PRKG2: variants seen among roughly 807,000 people sequenced by gnomAD.
PRKG2 encodes protein kinase cGMP-dependent 2.
PRKG2 carries 33 observed loss-of-function variants against 97.2 expected under a neutral mutation model. The observed-to-expected ratio is 0.34, with a 90% CI of 0.26 to 0.45. The LOEUF is 0.45. PRKG2 is among the 20% of genes least tolerant of loss of function. The probability of loss-of-function intolerance (pLI) is 1.00; values close to 1 mark genes in which losing one functional copy is unlikely to be tolerated. For synonymous variants in PRKG2, 330 were observed against 321.8 expected, an observed-to-expected ratio of 1.03 and a Z score of -0.27; for missense variants, 638 against 900.0, an observed-to-expected ratio of 0.71 and a Z score of 3.73.
intron 2 of PRKG2, among the ~76,000 whole-genome samples, chr4:81,190,473 T>G (rs1578501880): frequency 1.3e-5 from 2 of 152,072 alleles, no homozygotes; most frequent in Non-Finnish European, 2.9e-5. Flanking sequence ...ATATAAGACC[T>G]AAAACCATAA....
At chr4:81,106,587 G>A (rs116126277) in intron 15 of PRKG2, among the ~76,000 whole-genome samples, 93 of 152,300 alleles carry the variant, frequency 6.1e-4, no homozygotes, top group African/African-American at 2.1e-3. Context: ...GAGAAAGTCA[G>A]GGGCAAGGAG....
chr4:81,107,919 T>C (rs1743510044), intron 15 of PRKG2, among the ~76,000 whole-genome samples: 3 of 152,082 alleles, frequency 2.0e-5, no homozygotes, highest in Admixed American at 6.6e-5. Flanking sequence ...AAAAACACTT[T>C]CGAGGCCGGG....
At chr4:81,143,123 A>T (rs1578412581) in intron 10 of PRKG2, among the ~76,000 whole-genome samples, 176 bp from the exon 11 acceptor site, 1 of 152,322 alleles carries the variant, frequency 6.6e-6, no homozygotes, top group Non-Finnish European at 1.5e-5. Flanking sequence ...GCGAGAAAAC[A>T]ATAGAATATA....
intron 6 of PRKG2, among the ~76,000 whole-genome samples, chr4:81,166,644 G>T (rs972540131): frequency 6.6e-6 from 1 of 152,086 alleles, no homozygotes; most frequent in Non-Finnish European, 1.5e-5. Flanking sequence ...CCCCCTAGAT[G>T]TTAAAATAGA....
At chr4:81,112,425 C>T (rs1360051019) in intron 14 of PRKG2, among the ~76,000 whole-genome samples, 1 of 148,126 alleles carries the variant, frequency 6.8e-6, no homozygotes, top group African/African-American at 2.6e-5. Context: ...CATTTGTATG[C>T]ACACAAATAT....
chr4:81,155,189 A>G (rs867149660), intron 6 of PRKG2, among the ~76,000 whole-genome samples: 3 of 148,248 alleles, frequency 2.0e-5, no homozygotes, highest in African/African-American at 5.2e-5. Context: ...AAAAAAAAAA[A>G]AAGAAGAATG....
At chr4:81,110,764 G>GAGTC (rs1553919023) in intron 14 of PRKG2, among the ~76,000 whole-genome samples, 153 bp from the exon 15 acceptor site, 1 of 146,222 alleles carries the variant, frequency 6.8e-6, no homozygotes, top group Non-Finnish European at 1.5e-5. Flanking sequence ...GAGAGAGAGA[G>GAGTC]AGACAGACAG....
At chr4:81,154,303 C>T (rs1282712119) in intron 6 of PRKG2, 1 of 153,332 alleles carries the variant, frequency 6.5e-6, no homozygotes, top group African/African-American at 2.4e-5. Context: ...CTGTAGGCTC[C>T]ACCTCTGGGG....
At chr4:81,189,784 AAAAC>A (rs1307095947) in intron 2 of PRKG2, among the ~76,000 whole-genome samples, 1 of 150,402 alleles carries the variant, frequency 6.6e-6, no homozygotes, top group African/African-American at 2.4e-5. Context: ...AAAAAGAAAA[AAAAC>A]AGACAGAGAG....
chr4:81,186,042 C>T (rs1751853226), intron 2 of PRKG2, among the ~76,000 whole-genome samples: 1 of 152,178 alleles, frequency 6.6e-6, no homozygotes, highest in Admixed American at 6.5e-5. Flanking sequence ...CAACGCCCCA[C>T]TGTCAATATT....
upstream of PRKG2, among the ~76,000 whole-genome samples, chr4:81,217,414 G>A (rs1229832259): frequency 3.3e-5 from 5 of 152,128 alleles, no homozygotes; most frequent in Non-Finnish European, 7.4e-5. Flanking sequence ...GTTTGAGGGG[G>A]AACCTAAGTT....
chr4:81,097,475 T>G (rs1742243566), intron 17 of PRKG2, among the ~76,000 whole-genome samples: 1 of 152,148 alleles, frequency 6.6e-6, no homozygotes, highest in Non-Finnish European at 1.5e-5. Context: ...GAATGGCAAA[T>G]GAGCATTGAC....
At position 81,113,565 on chromosome 4, in the gene PRKG2, T is replaced by C. The variant is rs190379259; in HGVS notation, c.1777-2954A>G. ...TTCTAAATCTGCACTGATGATTGTA[T>C]CATTCAGAAATAGAAAAATTTGCAT... is the stretch of plus-strand genomic sequence containing the variant. On this transcript the variant is annotated intron_variant, in intron 14 of 18. Transcript: ENST00000264399. Among the ~76,000 whole-genome samples the C allele has an allele frequency of 3.3e-4, 50 of 152,284 alleles. No individual in the cohort carries two copies. In the East Asian group the frequency reaches 8.9e-3, roughly 27 times the overall value.
intron 17 of PRKG2, among the ~76,000 whole-genome samples, chr4:81,103,315 C>G (rs1321102389): frequency 6.6e-6 from 1 of 152,034 alleles, no homozygotes; most frequent in Non-Finnish European, 1.5e-5. Context: ...CCCGCTCCCC[C>G]CACCCCACAA....
rs1750770986 is a variant in PRKG2, at chr4:81,174,681, T to C, written c.628+112A>G. Reference sequence around the variant, plus strand: ...AATTTTGCTATTTCATGATTCAATATGTTATGTTTTCTACAAATAGAGCAA... The same window carrying C: ...AATTTTGCTATTTCATGATTCAATACGTTATGTTTTCTACAAATAGAGCAA... On this transcript the variant is annotated intron_variant, in intron 3 of 18. Coordinates refer to ENST00000264399, the MANE Select transcript of PRKG2 (RefSeq NM_006259.3). 4.6e-6 allele frequency: 5 copies of C among 1,081,796 alleles called. No homozygotes were observed. In the Admixed American group the frequency reaches 7.4e-5, roughly 16 times the overall value. 67.0% of individuals were successfully genotyped at this position (1,081,796 alleles called of 1,614,324 possible). A position where few individuals can be genotyped will look rare whatever the true frequency, so the allele number is the denominator to read the frequency against.
intron 6 of PRKG2, among the ~76,000 whole-genome samples, chr4:81,159,669 T>C (rs1306057785): frequency 6.6e-6 from 1 of 152,098 alleles, no homozygotes; most frequent in African/African-American, 2.4e-5. Flanking sequence ...CGTATGTTTA[T>C]TGTGGCACTA....
At chr4:81,100,092 T>C (rs1186599250) in intron 17 of PRKG2, among the ~76,000 whole-genome samples, 2 of 151,630 alleles carry the variant, frequency 1.3e-5, no homozygotes, top group Admixed American at 6.6e-5. Flanking sequence ...GAACATTCCA[T>C]GCTCATTGGT....
chr4:81,196,863 T>A (rs1475816400), intron 2 of PRKG2, among the ~76,000 whole-genome samples: 1 of 151,970 alleles, frequency 6.6e-6, no homozygotes. Context: ...AGAAGACAAA[T>A]CATTTTAAAG....
chr4:81,105,913 G>A lies in PRKG2; in HGVS notation c.1963C>T (p.Gln655Ter). ...AGAATCAAATTGTAGGTCATCATTT[G>A]GTCAACCCCAGAAAAGGGTGGGCTA... The part of the protein sequence containing the change: ...TGNPPFSGVD[Q>*]MMTYNLILKG... Residue 655 changes from glutamine (Q) to a stop codon, truncating the protein, a stop_gained, in exon 16 of 19, where the codon CAA becomes TAA. Coordinates refer to ENST00000264399, the MANE Select transcript of PRKG2 (RefSeq NM_006259.3). LOFTEE classifies it high-confidence loss of function. 6.2e-7 allele frequency: 1 copy of A among 1,613,500 alleles called. No individual in the cohort carries two copies. Among genetic ancestry groups the A allele is most frequent in the Admixed American group, 1.7e-5 (1 of 59,980 alleles).
Sources: gnomAD v4.1 joint callset for allele counts (sites outside exome capture counted in the v4.1 genomes callset) on GRCh38, gnomAD v4.1.1 for gene constraint, MANE v1.5 for transcripts, NCBI Gene and HGNC (gene_info 2026-07-23, HGNC 2026-07-21) for gene names.